Variants in AKR7A3 observed in about 807,000 individuals in gnomAD.
The protein encoded by AKR7A3 is aldo-keto reductase family 7 member A3, also known as AFB1 aldehyde reductase 2.
Under a neutral mutation model 32.5 loss-of-function variants are expected in AKR7A3, and 37 were observed. The observed-to-expected ratio is 1.14, with a 90% CI of 0.88 to 1.50. The LOEUF (loss-of-function observed/expected upper bound fraction) is 1.50, where lower values mean the gene tolerates loss of function less well. Ranked by LOEUF, AKR7A3 falls within the 40% of genes most tolerant of loss-of-function variation. The pLI, the probability that AKR7A3 is intolerant of heterozygous loss-of-function variation, is 0.00. For missense variants in AKR7A3, 412 were observed against 453.2 expected (o/e 0.91, Z 0.83); for synonymous variants, 177 against 188.4 (o/e 0.94, Z 0.50).
chr1:19,278,860 A>C (rs1443586122), downstream of AKR7A3, among the ~76,000 whole-genome samples: 1 of 151,976 alleles, frequency 6.6e-6, no homozygotes. Context: ...CATACAGATC[A>C]AATCATGCAA....
the AKR7A3 span, among the ~76,000 whole-genome samples, chr1:19,275,520 A>G: frequency 6.6e-6 from 1 of 151,786 alleles, no homozygotes; most frequent in Non-Finnish European, 1.5e-5. Flanking sequence ...AAAACAAAAA[A>G]TACTGGCCCG....
chr1:19,276,801 TA>T, the AKR7A3 span, among the ~76,000 whole-genome samples: 4 of 146,838 alleles, frequency 2.7e-5, no homozygotes, highest in South Asian at 2.2e-4. Flanking sequence ...GATTCCGTCT[TA>T]AAAAAAAATA....
chr1:19,277,824 T>A (rs938663763), downstream of AKR7A3, among the ~76,000 whole-genome samples: 1 of 151,694 alleles, frequency 6.6e-6, no homozygotes, highest in African/African-American at 2.4e-5. Flanking sequence ...CCTAGGTGGG[T>A]CTTTTCTTTA....
Position 19,288,547 on chromosome 1 carries a change from C to T in AKR7A3, c.163G>A (p.Glu55Lys), listed in dbSNP as rs145878095. 4.9e-3 allele frequency: 7,821 copies of T among 1,610,802 alleles called. 34 individuals carry two copies. Among genetic ancestry groups the T allele is most frequent in the Non-Finnish European group, 6.1e-3 (7,248 of 1,179,364 alleles). ...TAFVYSEGQSETILGGLGLRL... is the reference protein window; with the variant it reads ...TAFVYSEGQSKTILGGLGLRL... ...AGCCCCAGGCCGCCAAGGATGGTCTCGGACTGGCCCTCGCTGTACACGAAG... is the reference window on the plus strand; with the variant it reads ...AGCCCCAGGCCGCCAAGGATGGTCTTGGACTGGCCCTCGCTGTACACGAAG... The change falls in exon 1 of 7, where the codon GAG (glutamate) becomes AAG (lysine). Residue 55 changes from glutamate (E) to lysine (K), a missense_variant. Glu to Lys is a moderately conservative substitution (Grantham distance 56, BLOSUM62 1). Coordinates refer to ENST00000361640, the MANE Select transcript of AKR7A3 (RefSeq NM_012067.3).
chr1:19,285,003 G>A lies in AKR7A3; in HGVS notation c.604+15C>T. On this transcript the variant is annotated intron_variant, in intron 4 of 6. Transcript: ENST00000361640. ...CGGGAATAGGCTGAGACAGGGCCAG[G>A]AATGCTCCACGTACCAGCCAGAGGG... The A allele has an allele frequency of 1.2e-6, 2 of 1,612,144 alleles. No individual in the cohort carries two copies. The highest frequency in any genetic ancestry group is 1.3e-5 in the African/African-American group (1 of 74,682).
intron 1 of AKR7A3, 63 bp from the exon 2 acceptor site, chr1:19,286,435 A>C: frequency 6.6e-7 from 1 of 1,511,700 alleles, no homozygotes. Flanking sequence ...TAATCCCAGC[A>C]CTTTGGGAGA....
chr1:19,286,395 T>G (rs1369255661), intron 1 of AKR7A3, 23 bp from the exon 2 acceptor site: 2 of 1,610,682 alleles, frequency 1.2e-6, no homozygotes, highest in Admixed American at 3.3e-5. Flanking sequence ...AGAAATGAAA[T>G]TCAGGGCCAG....
Position 19,284,025 on chromosome 1 carries a change from G to A in AKR7A3, c.805C>T (p.Arg269Trp), listed in dbSNP as rs751292586. 1.1e-5 allele frequency: 17 copies of A among 1,613,452 alleles called. No individual in the cohort carries two copies. Among genetic ancestry groups the A allele is most frequent in the African/African-American group, 5.4e-5 (4 of 74,764 alleles). ...AGCTGTGAGTGGTGGTACATCCACC[G>A]GAGGGTGGCCGAGGTCATGCTGGGG... The part of the protein sequence containing the change: ...SAPSMTSATL[R>W]WMYHHSQLQG... The change falls in exon 6 of 7, where the codon CGG (arginine) becomes TGG (tryptophan). Residue 269 changes from arginine (R) to tryptophan (W), a missense_variant. Physicochemically the swap from Arg to Trp is moderately radical, Grantham distance 101 (BLOSUM62 -3). Transcript: ENST00000361640.
downstream of AKR7A3, among the ~76,000 whole-genome samples, chr1:19,281,112 C>T (rs1424712696): frequency 1.3e-5 from 2 of 151,314 alleles, no homozygotes; most frequent in East Asian, 2.0e-4. Context: ...CTGATCTCGG[C>T]TCACTGCAAC....
chr1:19,278,950 A>G (rs58854556), downstream of AKR7A3, among the ~76,000 whole-genome samples: 4,686 of 151,892 alleles, frequency 0.031, 346 homozygotes, highest in African/African-American at 0.11. Flanking sequence ...TCATTACTTC[A>G]TTTTATTTAC....
chr1:19,288,057 T>C (rs2093733996), intron 1 of AKR7A3, among the ~76,000 whole-genome samples: 2 of 152,136 alleles, frequency 1.3e-5, no homozygotes, highest in African/African-American at 4.8e-5. Context: ...GGGTCCAAAC[T>C]CTGATTTTGG....
downstream of AKR7A3, among the ~76,000 whole-genome samples, chr1:19,279,744 T>C (rs1374987925): frequency 2.0e-5 from 3 of 151,906 alleles, no homozygotes; most frequent in African/African-American, 7.3e-5. Context: ...TCTATTTGGA[T>C]CCTTTGTTCA....
chr1:19,280,360 C>T (rs1055968327), downstream of AKR7A3, among the ~76,000 whole-genome samples: 1 of 151,420 alleles, frequency 6.6e-6, no homozygotes, highest in African/African-American at 2.4e-5. Context: ...TCCGGTGCCT[C>T]AGCCACCACA....
At chr1:19,281,429 G>A (rs1431459879), downstream of AKR7A3, among the ~76,000 whole-genome samples, 2 of 151,848 alleles carry the variant, frequency 1.3e-5, no homozygotes, top group Middle Eastern at 3.4e-3. Context: ...CTGAGGTCAG[G>A]AGTTCAAGAC....
At chr1:19,276,926 C>T in the AKR7A3 span, among the ~76,000 whole-genome samples, 1 of 151,542 alleles carries the variant, frequency 6.6e-6, no homozygotes, top group Non-Finnish European at 1.5e-5. Flanking sequence ...TCAGCCTGGC[C>T]AACATGGTGA....
chr1:19,282,527 CA>C (rs1406180382), downstream of AKR7A3: 2 of 836,332 alleles, frequency 2.4e-6, no homozygotes, highest in Non-Finnish European at 3.7e-6. Context: ...GACCCAGTCT[CA>C]GGTATTCTTT....
In AKR7A3 at chr1:19,287,809, A is replaced by T. The variant is rs550321321; in HGVS notation, c.214+687T>A. ...GCTCCCCAGCCATCTCTAGAACTGG[A>T]GCTTCCTGGAGTGGGTTAGTGTCCA... On this transcript the variant is annotated intron_variant, in intron 1 of 6. Transcript: ENST00000361640. 6.6e-5 allele frequency among the ~76,000 whole-genome samples: 10 copies of T among 152,200 alleles called. No individual in the cohort carries two copies. The East Asian group carries it at 1.9e-3, about 29-fold the overall frequency.
At chr1:19,284,165 T>A in intron 5 of AKR7A3, 40 bp from the exon 6 acceptor site, 1 of 1,580,316 alleles carries the variant, frequency 6.3e-7, no homozygotes. Context: ...CAGGGCCACA[T>A]TGGGAGCCAC....
chr1:19,285,029 T>C lies in AKR7A3; in HGVS notation c.593A>G (p.Asn198Ser), dbSNP rs1346545020. ...AATGCTCCACGTACCAGCCAGAGGGTTGAAGGCATAGAACCTCAGTCCAAA... is the reference window on the plus strand; with the variant it reads ...AATGCTCCACGTACCAGCCAGAGGGCTGAAGGCATAGAACCTCAGTCCAAA... The part of the protein sequence containing the change: ...RHFGLRFYAF[N>S]PLAGGLLTGK... The change falls in exon 4 of 7, where the codon AAC becomes AGC. Residue 198 changes from asparagine (N) to serine (S), a missense_variant. Coordinates refer to ENST00000361640, the MANE Select transcript of AKR7A3 (RefSeq NM_012067.3). 2 of 1,612,438 alleles carry C rather than the reference T, an allele frequency of 1.2e-6. No homozygotes were observed. Among genetic ancestry groups the C allele is most frequent in the East Asian group, 2.2e-5 (1 of 44,884 alleles).
Sources: allele counts gnomAD v4.1 joint callset (sites outside exome capture counted in the v4.1 genomes callset), GRCh38; gene constraint gnomAD v4.1.1; transcripts MANE v1.5; gene names NCBI Gene and HGNC (gene_info 2026-07-23, HGNC 2026-07-21).